Variants in TTLL13 observed in about 807,000 individuals in gnomAD.
The protein encoded by TTLL13 is tubulin polyglutamylase TTLL13.
the TTLL13 span, among the ~76,000 whole-genome samples, chr15:90,256,577 CTTTCTTTCTT>C: frequency 1.8e-5 from 1 of 56,854 alleles, no homozygotes; most frequent in Non-Finnish European, 3.3e-5. Flanking sequence ...TTCTTTCTTT[CTTTCTTTCTT>C]TCTTTCTTTC....
the TTLL13 span, chr15:90,265,127 T>C: frequency 3.2e-6 from 4 of 1,245,294 alleles, no homozygotes; most frequent in Non-Finnish European, 4.3e-6. Context: ...CACCAAGAAT[T>C]CCTCAATACC....
the TTLL13 span, chr15:90,253,434 G>A: frequency 1.7e-6 from 2 of 1,208,084 alleles, no homozygotes; most frequent in Non-Finnish European, 2.3e-6. Flanking sequence ...CCACCTCCTT[G>A]CCCAGGCACC....
At chr15:90,253,156 G>A in the TTLL13 span, 4 of 898,618 alleles carry the variant, frequency 4.5e-6, no homozygotes, top group Non-Finnish European at 7.0e-6. Flanking sequence ...CCTGCCCTCG[G>A]GTCAGGTGTA....
the TTLL13 span, chr15:90,250,547 C>G: frequency 6.6e-7 from 1 of 1,509,834 alleles, no homozygotes; most frequent in Non-Finnish European, 8.9e-7. Context: ...TGGTGGATTC[C>G]TTCAGGCCTT....
the TTLL13 span, chr15:90,263,888 T>C: frequency 5.3e-6 from 6 of 1,141,796 alleles, no homozygotes; most frequent in African/African-American, 4.6e-5. Flanking sequence ...CCCAGGATCT[T>C]AGGGGCACTG....
chr15:90,254,428 G>A, the TTLL13 span, among the ~76,000 whole-genome samples: 3 of 148,398 alleles, frequency 2.0e-5, no homozygotes, highest in African/African-American at 7.4e-5. Context: ...AGGAGGCGGA[G>A]GTTGCAGTGA....
chr15:90,250,475 A>T, the TTLL13 span: 2 of 834,552 alleles, frequency 2.4e-6, no homozygotes, highest in Non-Finnish European at 3.7e-6. Flanking sequence ...CCCATTCCTC[A>T]GTGAAACAGT....
the TTLL13 span, chr15:90,258,065 GCAAGAGCACAGCTA>G: frequency 6.2e-7 from 1 of 1,614,194 alleles, no homozygotes; most frequent in South Asian, 1.1e-5. Flanking sequence ...ACATCTGGCT[GCAAGAGCACAGCTA>G]CAACCCTGGA....
the TTLL13 span, chr15:90,264,882 G>A: frequency 2.6e-6 from 4 of 1,535,984 alleles, no homozygotes; most frequent in East Asian, 2.4e-5. Context: ...TCTGAACACA[G>A]AGCAGCCAAG....
the TTLL13 span, chr15:90,253,327 C>T: frequency 6.2e-7 from 1 of 1,613,520 alleles, no homozygotes. Context: ...ACAGACTGCG[C>T]TGTCTCACTG....
the TTLL13 span, chr15:90,250,897 C>T: frequency 3.1e-6 from 5 of 1,611,792 alleles, no homozygotes; most frequent in African/African-American, 1.3e-5. Context: ...GGTAACTATT[C>T]CCTAGATCCC....
chr15:90,263,751 C>A, the TTLL13 span: 1 of 689,694 alleles, frequency 1.4e-6, no homozygotes, highest in South Asian at 1.5e-5. Flanking sequence ...CTAGATTTTG[C>A]TAGGACAGGC....
At chr15:90,249,819 T>A in the TTLL13 span, 1 of 152,196 alleles carries the variant, frequency 6.6e-6, no homozygotes, top group Admixed American at 6.6e-5. Context: ...GTGGGCAGTC[T>A]CCACCGTCAC....
the TTLL13 span, chr15:90,257,595 G>A: frequency 1.3e-5 from 21 of 1,577,238 alleles, no homozygotes; most frequent in Non-Finnish European, 1.7e-5. Context: ...GAGGACGGCC[G>A]CATGCAGACA....
chr15:90,261,583 C>T, the TTLL13 span, among the ~76,000 whole-genome samples: 6 of 151,820 alleles, frequency 4.0e-5, no homozygotes, highest in African/African-American at 1.2e-4. Flanking sequence ...ACTTGAGGTC[C>T]GGCCTTGCCA....
chr15:90,255,724 TG>T, the TTLL13 span: 1 of 1,614,014 alleles, frequency 6.2e-7, no homozygotes, highest in Non-Finnish European at 8.5e-7. Context: ...CCACTTACTC[TG>T]GGGGCTCATA....
At chr15:90,251,824 G>GAAA in the TTLL13 span, among the ~76,000 whole-genome samples, 57 of 130,616 alleles carry the variant, frequency 4.4e-4, 1 homozygote, top group South Asian at 0.011. Context: ...CAGTAAACAA[G>GAAA]AAAAAAAAAA....
At chr15:90,254,934 C>T in the TTLL13 span, among the ~76,000 whole-genome samples, 1 of 152,212 alleles carries the variant, frequency 6.6e-6, no homozygotes, top group African/African-American at 2.4e-5. Context: ...GTGTTAAGTG[C>T]TTTTATAGTA....
At chr15:90,256,543 CTTTTTCTTTCTTTCTT>C in the TTLL13 span, among the ~76,000 whole-genome samples, 35 of 141,210 alleles carry the variant, frequency 2.5e-4, no homozygotes, top group African/African-American at 9.0e-4. Flanking sequence ...TGTCTCCTTC[CTTTTTCTTTCTTTCTT>C]TCTTTCTTTC....
Sources: allele counts gnomAD v4.1 joint callset (sites outside exome capture counted in the v4.1 genomes callset), GRCh38; gene constraint gnomAD v4.1.1; transcripts MANE v1.5; gene names NCBI Gene and HGNC (gene_info 2026-07-23, HGNC 2026-07-21).